OTOF: variants seen among roughly 807,000 people sequenced by gnomAD.
OTOF encodes the protein fer-1-like family member 2.
OTOF carries 218 observed loss-of-function variants against 236.8 expected under a neutral mutation model. The observed-to-expected ratio is 0.92, with a 90% CI of 0.82 to 1.03. The LOEUF (loss-of-function observed/expected upper bound fraction) is 1.03, where lower values mean the gene tolerates loss of function less well. OTOF is among the 50% of genes least tolerant of loss of function. The probability of loss-of-function intolerance (pLI) is 0.00; values close to 1 mark genes in which losing one functional copy is unlikely to be tolerated. For synonymous variants in OTOF, 1,041 were observed against 1,072.5 expected (o/e 0.97, Z 0.57); for missense variants, 2,590 against 2,694.4 (o/e 0.96, Z 0.86).
chr2:26,526,237 G>A lies in OTOF; in HGVS notation c.227+1595C>T, dbSNP rs185013671. On this transcript the variant is annotated intron_variant, in intron 3 of 46. Coordinates refer to ENST00000272371, the MANE Select transcript of OTOF (RefSeq NM_194248.3). ...GAAGGATTGGGTTGATGAATGAATGGATGAAAGGAAGGATGGGTGAATGGA... is the reference window on the plus strand; with the variant it reads ...GAAGGATTGGGTTGATGAATGAATGAATGAAAGGAAGGATGGGTGAATGGA... Among the ~76,000 whole-genome samples, 12 of 151,986 alleles carry A rather than the reference G, an allele frequency of 7.9e-5. No individual in the cohort carries two copies. In the East Asian group the frequency reaches 2.3e-3, roughly 29 times the overall value.
chr2:26,472,702 GTGA>G, intron 29 of OTOF, 53 bp from the exon 30 acceptor site: 2 of 1,596,042 alleles, frequency 1.3e-6, no homozygotes, highest in African/African-American at 2.7e-5. Flanking sequence ...AAGAGGAACA[GTGA>G]GATTGGCGGG....
Position 26,483,510 on chromosome 2 carries a change from G to A in OTOF, c.1344C>T (p.Asn448=). Residue 448 remains asparagine, a synonymous_variant, in exon 13 of 47, where the codon AAC becomes AAT. Coordinates refer to ENST00000272371, the MANE Select transcript of OTOF (RefSeq NM_194248.3). ...ANVKKAFIGE[N]KDLVDPYVQV... The stretch of plus-strand genomic sequence containing the variant: ...GCACGTAGGGGTCCACGAGGTCCTT[G>A]TTTTCACCGATGAAAGCCTTCTTTA... The A allele has an allele frequency of 3.1e-6, 5 of 1,613,992 alleles. No homozygotes were observed. Among genetic ancestry groups the A allele is most frequent in the Non-Finnish European group, 4.2e-6 (5 of 1,180,004 alleles).
chr2:26,511,756 C>T (rs546245074), intron 5 of OTOF, among the ~76,000 whole-genome samples: 1 of 152,338 alleles, frequency 6.6e-6, no homozygotes, highest in East Asian at 1.9e-4. Context: ...GCACAAAATC[C>T]CAGTGCGCCC....
intron 5 of OTOF, among the ~76,000 whole-genome samples, chr2:26,506,875 C>T (rs1666261917): frequency 6.6e-6 from 1 of 152,158 alleles, no homozygotes. Flanking sequence ...CCTGTAATCC[C>T]AGTTACTCGG....
At chr2:26,542,559 A>G (rs1667234406) in intron 1 of OTOF, among the ~76,000 whole-genome samples, 1 of 152,250 alleles carries the variant, frequency 6.6e-6, no homozygotes. Context: ...ACACGCATTG[A>G]CGCTAGAAGA....
chr2:26,482,254 T>TGA (rs1333179186), intron 14 of OTOF, 152 bp downstream of exon 14: 1 of 717,750 alleles, frequency 1.4e-6, no homozygotes, highest in African/African-American at 1.7e-5. Context: ...ACCCTCCCCC[T>TGA]GAGGCAGGGG....
At chr2:26,540,815 C>A (rs564725293) in intron 1 of OTOF, among the ~76,000 whole-genome samples, 12 of 152,152 alleles carry the variant, frequency 7.9e-5, no homozygotes, top group African/African-American at 2.7e-4. Flanking sequence ...GCTATCTATA[C>A]GGCAAAGAGA....
chr2:26,471,098 C>T (rs1664953716), intron 31 of OTOF, 23 bp downstream of exon 31: 4 of 1,613,848 alleles, frequency 2.5e-6, no homozygotes, highest in South Asian at 2.2e-5. Context: ...ACCCCAGAGC[C>T]CCTGCATGGC....
intron 2 of OTOF, among the ~76,000 whole-genome samples, chr2:26,531,256 C>T (rs916872073): frequency 9.2e-5 from 14 of 152,088 alleles, no homozygotes; most frequent in African/African-American, 2.9e-4. Flanking sequence ...CTGACAACAC[C>T]GAGGCTTGTA....
In OTOF at chr2:26,472,583, A is replaced by T; in HGVS notation, c.3800T>A (p.Val1267Asp). Residue 1267 changes from valine (V) to aspartate (D), a missense_variant, in exon 30 of 47, where the codon GTT becomes GAT. Val to Asp is a radical substitution (Grantham distance 152). Coordinates refer to ENST00000272371, the MANE Select transcript of OTOF (RefSeq NM_194248.3). ...TACCTCTGGCTCCATAGTCACCACA[A>T]CCTCCCCTGTGGAGTGAGAGGAGGA... ...GGSSSHSTGE[V>D]VVTMEPEVPI... The T allele has an allele frequency of 1.9e-6, 3 of 1,613,002 alleles. No homozygotes were observed. The highest frequency in any genetic ancestry group is 2.5e-6 in the Non-Finnish European group (3 of 1,179,850).
chr2:26,479,518 G>A lies in OTOF; in HGVS notation c.2048C>T (p.Ala683Val), dbSNP rs1226268383. Residue 683 changes from alanine to valine, a missense_variant, in exon 17 of 47, where the codon GCC becomes GTC. Around this residue, in one of 2 missense-constraint regions of OTOF, gnomAD observed 1,379 missense variants for 1,341.6 expected, o/e 1.03. Coordinates refer to ENST00000272371, the MANE Select transcript of OTOF (RefSeq NM_194248.3). ...DDEAGDAGDL[A>V]SVSSTPPMRP... ...CATTGGTGGAGTGGAGGAGACTGAG[G>A]CCAGGTCCCCGGCATCACCGGCCTC... 1.2e-6 allele frequency: 2 copies of A among 1,605,004 alleles called. No individual in the cohort carries two copies. Among genetic ancestry groups the A allele is most frequent in the Non-Finnish European group, 1.7e-6 (2 of 1,176,672 alleles).
chr2:26,473,890 G>A lies in OTOF; in HGVS notation c.3408+101C>T. The A allele has an allele frequency of 6.7e-7, 1 of 1,498,598 alleles. No individual in the cohort carries two copies. Among genetic ancestry groups the A allele is most frequent in the Non-Finnish European group, 9.3e-7 (1 of 1,077,276 alleles). The allele number at this position is 1,498,598 out of a possible 1,614,324, so 92.8% of individuals were successfully genotyped here. A position where few individuals can be genotyped will look rare whatever the true frequency, so the allele number is the denominator to read the frequency against. The stretch of plus-strand genomic sequence containing the variant: ...GGGCAGGAGCCTGGGTCTGCTGCTG[G>A]CTCCTGGTGATGGTGGTGGGAGGGG... On this transcript the variant is annotated intron_variant, in intron 27 of 46. Coordinates refer to ENST00000272371, the MANE Select transcript of OTOF (RefSeq NM_194248.3). This position sits in a 1 kb window ranked among gnomAD's most constrained non-coding sequence, Gnocchi z 7.2.
rs1454938974 is a variant in OTOF, at chr2:26,474,551, T to C, written c.3250A>G (p.Thr1084Ala). The C allele has an allele frequency of 6.2e-7, 1 of 1,612,928 alleles. No homozygotes were observed. Residue 1084 changes from threonine to alanine, a missense_variant, in exon 26 of 47, where the codon ACA becomes GCA. By Grantham distance (58) the Thr-to-Ala change is moderately conservative. Around this residue, in one of 2 missense-constraint regions of OTOF, gnomAD observed 1,211 missense variants for 1,352.8 expected, o/e 0.90. Coordinates refer to ENST00000272371, the MANE Select transcript of OTOF (RefSeq NM_194248.3). ...AAGGCCGCCAGCAGGTCTCCAGCTG[T>C]GGCGTTGCCACGGTAGATCTGGTAG... The part of the protein sequence containing the change: ...EYYQIYRGNA[T>A]AGDLLAAFEL...
intron 13 of OTOF, among the ~76,000 whole-genome samples, chr2:26,483,245 T>C (rs1387854622): frequency 6.6e-6 from 1 of 152,086 alleles, no homozygotes; most frequent in Non-Finnish European, 1.5e-5. Context: ...GTCTCCACTC[T>C]TCCCACACCC....
rs111033353 is a variant in OTOF, at chr2:26,460,193, C to G, written c.5826G>C (p.Thr1942=). ...GAGGGTTCAGGAACCAGATGAAGCT[C>G]GTGTCGGGCCGGCTGGAGTATGAAG... ...DPLEKPNRPD[T]SFIWFLNPLK... The change falls in exon 46 of 47, where the codon ACG becomes ACC. Residue 1942 remains threonine (T), a synonymous_variant. Transcript: ENST00000272371. The surrounding 1 kb of genome is among the most constrained non-coding windows in gnomAD (Gnocchi z 5.3). 3.1e-6 allele frequency: 5 copies of G among 1,603,040 alleles called. No individual in the cohort carries two copies. The African/African-American group carries it at 4.0e-5, about 13-fold the overall frequency.
chr2:26,474,442 G>T, intron 26 of OTOF, 71 bp downstream of exon 26: 1 of 742,694 alleles, frequency 1.3e-6, no homozygotes, highest in Non-Finnish European at 1.9e-6. Flanking sequence ...TCAGGGTCCA[G>T]CCCCCAGCCC....
chr2:26,523,960 C>A (rs1175262877), intron 3 of OTOF, among the ~76,000 whole-genome samples: 2 of 152,262 alleles, frequency 1.3e-5, no homozygotes, highest in Admixed American at 6.5e-5. Context: ...CTGACCCCCA[C>A]AAGCTGGCCT....
chr2:26,493,456 A>T (rs552701702), intron 9 of OTOF, among the ~76,000 whole-genome samples: 1 of 152,206 alleles, frequency 6.6e-6, no homozygotes, highest in South Asian at 2.1e-4. Context: ...AGACTGGGGA[A>T]CCCTCCAGGA....
chr2:26,481,062 G>C (rs1303849328), intron 14 of OTOF, 53 bp from the exon 15 acceptor site: 7 of 1,379,886 alleles, frequency 5.1e-6, no homozygotes, highest in Non-Finnish European at 7.2e-6. Context: ...AGTTTCCCTG[G>C]GGAAGAGGGG....
Sources: gnomAD v4.1 joint callset for allele counts (sites outside exome capture counted in the v4.1 genomes callset) on GRCh38, gnomAD v4.1.1 for gene constraint, gnomAD v4.1.1 regional missense constraint, Gnocchi (gnomAD v3.1) non-coding constraint, MANE v1.5 for transcripts, NCBI Gene and HGNC (gene_info 2026-07-23, HGNC 2026-07-21) for gene names.